Variants in SQOR observed in about 807,000 individuals in gnomAD.
The protein encoded by SQOR is sulfide quinone oxidoreductase.
A neutral mutation model predicts 48.6 loss-of-function variants in SQOR; 39 were observed. The ratio of observed to expected loss-of-function variants is 0.80; its 90% CI spans 0.62 to 1.05. The LOEUF (loss-of-function observed/expected upper bound fraction) is 1.05, where lower values mean the gene tolerates loss of function less well. Ranked by LOEUF, SQOR falls within the 50% of genes least tolerant of loss-of-function variation. The probability of loss-of-function intolerance (pLI) is 0.00; values close to 1 mark genes in which losing one functional copy is unlikely to be tolerated. For missense variants in SQOR, 561 were observed against 559.9 expected, an observed-to-expected ratio of 1.00 and a Z score of -0.02; for synonymous variants, 220 against 206.2, an observed-to-expected ratio of 1.07 and a Z score of -0.57.
intron 3 of SQOR, among the ~76,000 whole-genome samples, chr15:45,665,393 T>A (rs1889795268): frequency 6.6e-6 from 1 of 152,186 alleles, no homozygotes; most frequent in Non-Finnish European, 1.5e-5. Context: ...TCCCAACACA[T>A]CTGGGTCTTT....
rs1322969928 is a variant in SQOR at position 45,670,062 on chromosome 15, T to C, written c.459+81T>C. The C allele has an allele frequency of 8.3e-6, 11 of 1,328,670 alleles. No individual in the cohort carries two copies. The Admixed American group carries it at 2.0e-4, about 24-fold the overall frequency. 82.3% of individuals were successfully genotyped at this position (1,328,670 alleles called of 1,614,324 possible). A position where few individuals can be genotyped will look rare whatever the true frequency, so the allele number is the denominator to read the frequency against. ...GCTGCATTTAGTTGCTTTATTATAT[T>C]CATTTTGACAAGAAAGGGGTTCTAA... is the stretch of plus-strand genomic sequence containing the variant. On this transcript the variant is annotated intron_variant, in intron 4 of 9. Transcript: ENST00000260324.
At chr15:45,678,806 G>A (rs79604406) in intron 6 of SQOR, among the ~76,000 whole-genome samples, 1,935 of 152,180 alleles carry the variant, frequency 0.013, 19 homozygotes, top group Non-Finnish European at 0.021. Flanking sequence ...GACTTTGGGA[G>A]GTCCCTCCAG....
In SQOR at chr15:45,673,798, G is replaced by A. The variant is rs763597705; in HGVS notation, c.651G>A (p.Arg217=). The change falls in exon 5 of 10, where the codon AGG becomes AGA. Residue 217 remains arginine (R), a synonymous_variant. Transcript: ENST00000260324. ...KIMYLSEAYF[R]KTGKRSKANI... ...TGTACTTATCAGAAGCCTACTTCAG[G>A]AAGGTATGCTTCCTTTCTGGGGACA... 1.9e-6 allele frequency: 3 copies of A among 1,613,858 alleles called. No homozygotes were observed. In the African/African-American group the frequency reaches 4.0e-5, roughly 22 times the overall value.
intron 2 of SQOR, among the ~76,000 whole-genome samples, chr15:45,659,757 A>C (rs1432610999): frequency 6.6e-6 from 1 of 152,210 alleles, no homozygotes; most frequent in African/African-American, 2.4e-5. Flanking sequence ...ACCTCATCTT[A>C]ATTTGATTAC....
chr15:45,637,131 C>T (rs1005639334), intron 1 of SQOR, among the ~76,000 whole-genome samples: 3 of 152,044 alleles, frequency 2.0e-5, no homozygotes, highest in African/African-American at 7.2e-5. Flanking sequence ...ACACCAGCCA[C>T]CCACCACCAC....
At chr15:45,676,937 A>G (rs1890046728) in intron 6 of SQOR, among the ~76,000 whole-genome samples, 1 of 151,412 alleles carries the variant, frequency 6.6e-6, no homozygotes, top group Non-Finnish European at 1.5e-5. Flanking sequence ...GCTACCCGGG[A>G]GGCTGAGGCA....
chr15:45,647,343 T>G (rs1172466624), intron 1 of SQOR, among the ~76,000 whole-genome samples: 3 of 151,518 alleles, frequency 2.0e-5, no homozygotes, highest in Non-Finnish European at 4.4e-5. Flanking sequence ...TTTTTTTTTT[T>G]TGAGACAGGG....
intron 1 of SQOR, among the ~76,000 whole-genome samples, chr15:45,638,397 G>C (rs552110181): frequency 1.3e-5 from 2 of 152,274 alleles, no homozygotes; most frequent in Non-Finnish European, 2.9e-5. Flanking sequence ...TTCGAGGCTA[G>C]CCTGAGCAAC....
At chr15:45,639,722 T>G (rs527537318) in intron 1 of SQOR, among the ~76,000 whole-genome samples, 1 of 152,362 alleles carries the variant, frequency 6.6e-6, no homozygotes, top group South Asian at 2.1e-4. Context: ...TTGTGAGAGC[T>G]CTTCAAGACA....
chr15:45,684,634 ACTCT>A (rs1224422928), intron 7 of SQOR, among the ~76,000 whole-genome samples: 12 of 148,868 alleles, frequency 8.1e-5, no homozygotes, highest in Non-Finnish European at 1.6e-4. Context: ...TTGTAAAAGT[ACTCT>A]CTCTCTCTTT....
In SQOR at chr15:45,673,604, C is replaced by T. The variant is rs746736929; in HGVS notation, c.460-3C>T. 4 of 1,608,672 alleles carry T rather than the reference C, an allele frequency of 2.5e-6. No homozygotes were observed. Among genetic ancestry groups the T allele is most frequent in the Middle Eastern group, 3.3e-4 (2 of 6,036 alleles). The stretch of plus-strand genomic sequence containing the variant: ...AAAATAATTTTTGTGTACTTTGTTG[C>T]AGATTAAAGGCCTACCTGAAGGTTT... On this transcript the variant is annotated splice_region_variant and splice_polypyrimidine_tract_variant and intron_variant, in intron 4 of 9. Transcript: ENST00000260324.
At chr15:45,657,644 C>G (rs1377067768) in intron 1 of SQOR, among the ~76,000 whole-genome samples, 1 of 152,118 alleles carries the variant, frequency 6.6e-6, no homozygotes, top group Non-Finnish European at 1.5e-5. Flanking sequence ...TTCCCATTCC[C>G]TATTATTTTT....
chr15:45,685,509 A>G (rs894865962), intron 7 of SQOR, among the ~76,000 whole-genome samples: 2 of 152,192 alleles, frequency 1.3e-5, no homozygotes, highest in African/African-American at 2.4e-5. Context: ...GGCATTTAAC[A>G]AAAGTTAACT....
intron 1 of SQOR, among the ~76,000 whole-genome samples, chr15:45,643,558 A>G (rs978472376): frequency 6.6e-6 from 1 of 152,214 alleles, no homozygotes; most frequent in Non-Finnish European, 1.5e-5. Context: ...TCTATTTCAC[A>G]AAGATACACT....
Position 45,682,517 on chromosome 15 carries a change from G to T in SQOR, c.904G>T (p.Asp302Tyr). 6.2e-7 allele frequency: 1 copy of T among 1,614,198 alleles called. No individual in the cohort carries two copies. Among genetic ancestry groups the T allele is most frequent in the Non-Finnish European group, 8.5e-7 (1 of 1,180,022 alleles). ...LHVTPPMSPP[D>Y]VLKTSPVADA... ...TGTCACACCTCCAATGAGCCCACCAGATGTCCTCAAGACCAGTCCTGTGGC... is the reference window on the plus strand; with the variant it reads ...TGTCACACCTCCAATGAGCCCACCATATGTCCTCAAGACCAGTCCTGTGGC... Residue 302 changes from aspartate to tyrosine, a missense_variant, in exon 7 of 10, where the codon GAT becomes TAT. Physicochemically the swap from Asp to Tyr is radical, Grantham distance 160. Transcript: ENST00000260324.
At chr15:45,645,457 A>G (rs1306937563) in intron 1 of SQOR, among the ~76,000 whole-genome samples, 2 of 152,326 alleles carry the variant, frequency 1.3e-5, no homozygotes, top group Admixed American at 6.5e-5. Context: ...TGAGAGTAAC[A>G]TTTGAATGGG....
intron 2 of SQOR, among the ~76,000 whole-genome samples, chr15:45,660,791 A>T (rs1417818247): frequency 2.0e-5 from 3 of 151,916 alleles, no homozygotes; most frequent in Non-Finnish European, 4.4e-5. Context: ...TTGTAGGGAG[A>T]TTGCAAAGTC....
At chr15:45,641,872 T>C (rs1426589226) in intron 1 of SQOR, among the ~76,000 whole-genome samples, 1 of 152,200 alleles carries the variant, frequency 6.6e-6, no homozygotes, top group Non-Finnish European at 1.5e-5. Flanking sequence ...TTCCTTCTTC[T>C]TTATCCCCTA....
chr15:45,643,093 A>C (rs1025710673), intron 1 of SQOR, among the ~76,000 whole-genome samples: 7 of 152,316 alleles, frequency 4.6e-5, no homozygotes, highest in Admixed American at 3.9e-4. Context: ...GTAAAGCCTC[A>C]ATGCCCTAGC....
Sources: allele counts gnomAD v4.1 joint callset (sites outside exome capture counted in the v4.1 genomes callset), GRCh38; gene constraint gnomAD v4.1.1; transcripts MANE v1.5; gene names NCBI Gene and HGNC (gene_info 2026-07-23, HGNC 2026-07-21).